Variants in CDH13 observed in about 807,000 individuals in gnomAD.
CDH13 encodes cadherin 13.
In CDH13, 24 loss-of-function variants were observed where a neutral mutation model predicts 63.8. The observed-to-expected ratio is 0.38, with a 90% confidence interval of 0.27 to 0.53. The LOEUF (loss-of-function observed/expected upper bound fraction) is 0.53, where lower values mean the gene tolerates loss of function less well. CDH13 is among the 20% of genes least tolerant of loss of function. CDH13 has a pLI of 0.85. For missense variants in CDH13, 1,049 were observed against 903.1 expected (o/e 1.16, Z -2.07); for synonymous variants, 503 against 355.3 (o/e 1.42, Z -4.67).
intron 5 of CDH13, among the ~76,000 whole-genome samples, chr16:83,333,452 C>T (rs1248942383): frequency 1.3e-5 from 2 of 152,084 alleles, no homozygotes; most frequent in African/African-American, 4.8e-5. Context: ...CAGCCTCCCC[C>T]TGCTCTTCTG....
At chr16:83,009,599 C>T (rs982668450) in intron 2 of CDH13, among the ~76,000 whole-genome samples, 3 of 152,138 alleles carry the variant, frequency 2.0e-5, no homozygotes, top group Non-Finnish European at 4.4e-5. Flanking sequence ...GAACCCAGGA[C>T]CACTCTGACT....
intron 2 of CDH13, among the ~76,000 whole-genome samples, chr16:82,888,628 G>A (rs2040974333): frequency 6.6e-6 from 1 of 152,188 alleles, no homozygotes; most frequent in African/African-American, 2.4e-5. Flanking sequence ...TGGCCTTGTA[G>A]ACCTCCCCTA....
rs2036219362 is a variant in CDH13 at position 83,134,981 on chromosome 16, C to T, written c.483+9480C>T. Among the ~76,000 whole-genome samples, 3 of 152,270 alleles carry T rather than the reference C, an allele frequency of 2.0e-5. No individual in the cohort carries two copies. The South Asian group carries it at 6.2e-4, about 32-fold the overall frequency. ...CTTTATTGTTATTATGAACATCTGGCCTCAGACTGAATTTATATTTAATTA... is the reference window on the plus strand; with the variant it reads ...CTTTATTGTTATTATGAACATCTGGTCTCAGACTGAATTTATATTTAATTA... On this transcript the variant is annotated intron_variant, in intron 4 of 13. Coordinates refer to ENST00000567109, the MANE Select transcript of CDH13 (RefSeq NM_001257.5).
At chr16:83,774,960 C>T (rs1915007497) in intron 11 of CDH13, among the ~76,000 whole-genome samples, 1 of 149,206 alleles carries the variant, frequency 6.7e-6, no homozygotes, top group African/African-American at 2.4e-5. Context: ...TATTTCACCA[C>T]AATGAAAAGA....
intron 3 of CDH13, among the ~76,000 whole-genome samples, chr16:83,118,108 C>T (rs1229040098): frequency 1.3e-5 from 2 of 152,152 alleles, no homozygotes; most frequent in Admixed American, 1.3e-4. Flanking sequence ...CAGCAGGCCT[C>T]GGATGACCTA....
intron 5 of CDH13, among the ~76,000 whole-genome samples, chr16:83,258,845 A>T (rs753550883): frequency 6.6e-6 from 1 of 152,188 alleles, no homozygotes; most frequent in Non-Finnish European, 1.5e-5. Flanking sequence ...TTATACTCTC[A>T]TTTGAATAAA....
At chr16:83,560,910 G>A (rs200241425) in intron 7 of CDH13, among the ~76,000 whole-genome samples, 2,082 of 129,716 alleles carry the variant, frequency 0.016, 26 homozygotes, top group Non-Finnish European at 0.026. Context: ...CCCCCCCCCC[G>A]CCCCAGGGGC....
chr16:82,879,356 C>T (rs1297958554), intron 2 of CDH13, among the ~76,000 whole-genome samples: 4 of 151,360 alleles, frequency 2.6e-5, no homozygotes, highest in Non-Finnish European at 5.9e-5. Flanking sequence ...TATTTCTATC[C>T]ATTAATGTCA....
intron 1 of CDH13, among the ~76,000 whole-genome samples, chr16:82,782,432 A>C (rs113044588): frequency 1.3e-5 from 2 of 152,152 alleles, no homozygotes; most frequent in African/African-American, 4.8e-5. Context: ...AGTGCCTGTA[A>C]TCCTAGCTAC....
chr16:83,313,185 C>T (rs1193092199), intron 5 of CDH13, among the ~76,000 whole-genome samples: 2 of 152,154 alleles, frequency 1.3e-5, no homozygotes, highest in African/African-American at 4.8e-5. Context: ...GAGCTGGGAA[C>T]ATTGAATAAA....
intron 11 of CDH13, among the ~76,000 whole-genome samples, chr16:83,749,563 A>G (rs868098503): frequency 2.4e-4 from 37 of 152,238 alleles, no homozygotes; most frequent in African/African-American, 8.2e-4. Context: ...TCAAAGCCAG[A>G]TGATTCATTT....
intron 5 of CDH13, among the ~76,000 whole-genome samples, chr16:83,268,211 C>G (rs1037946154): frequency 6.6e-6 from 1 of 152,162 alleles, no homozygotes; most frequent in African/African-American, 2.4e-5. Flanking sequence ...GTCTTTAGAA[C>G]AGTGGTGTAT....
chr16:82,912,957 AG>A lies in CDH13; in HGVS notation c.157+54485del, dbSNP rs2041878673. ...GACTGTGACTAAAAAAAAAAAAAAA[AG>A]AGTGGTGCTTCAAAATTGTGTCTTT... On this transcript the variant is annotated intron_variant, in intron 2 of 13. Coordinates refer to ENST00000567109, the MANE Select transcript of CDH13 (RefSeq NM_001257.5). Among the ~76,000 whole-genome samples the A allele has an allele frequency of 2.6e-5, 4 of 151,384 alleles. No individual in the cohort carries two copies. The South Asian group carries it at 8.4e-4, about 32-fold the overall frequency.
At chr16:83,183,089 T>C (rs1240338857) in intron 4 of CDH13, among the ~76,000 whole-genome samples, 1 of 152,222 alleles carries the variant, frequency 6.6e-6, no homozygotes, top group African/African-American at 2.4e-5. Context: ...TTTATTATTA[T>C]AAACAGACTT....
At chr16:83,570,681 A>AT (rs1897023856) in intron 7 of CDH13, among the ~76,000 whole-genome samples, 3 of 143,966 alleles carry the variant, frequency 2.1e-5, no homozygotes, top group South Asian at 2.1e-4. Flanking sequence ...TTATATATAT[A>AT]AAAAAAAATT....
At chr16:83,076,839 T>G (rs1351437110) in intron 3 of CDH13, among the ~76,000 whole-genome samples, 1 of 152,196 alleles carries the variant, frequency 6.6e-6, no homozygotes, top group Non-Finnish European at 1.5e-5. Flanking sequence ...TTATGCGTCA[T>G]GTTTACATTT....
At chr16:82,867,500 C>G (rs984468586) in intron 2 of CDH13, among the ~76,000 whole-genome samples, 1 of 152,172 alleles carries the variant, frequency 6.6e-6, no homozygotes, top group African/African-American at 2.4e-5. Flanking sequence ...CTCAGCTTTC[C>G]ACCCTCTCTG....
In CDH13 at chr16:83,410,683, G is replaced by A. The variant is rs189203258; in HGVS notation, c.781+65677G>A. Among the ~76,000 whole-genome samples the A allele has an allele frequency of 4.2e-3, 640 of 152,136 alleles. 9 individuals carry two copies. Among genetic ancestry groups the A allele is most frequent in the African/African-American group, 0.014 (592 of 41,492 alleles). On this transcript the variant is annotated intron_variant, in intron 6 of 13. Coordinates refer to ENST00000567109, the MANE Select transcript of CDH13 (RefSeq NM_001257.5). ...ACCCCATTTATATATGCTACTCATA[G>A]AAATTAGTTCTTTATTCTCCATTGA...
chr16:83,239,234 G>A (rs1275007305), intron 5 of CDH13, among the ~76,000 whole-genome samples: 1 of 152,124 alleles, frequency 6.6e-6, no homozygotes, highest in African/African-American at 2.4e-5. Context: ...CACTGCAGAG[G>A]GAGAGCAGCA....
Sources: gnomAD v4.1 joint callset for allele counts (sites outside exome capture counted in the v4.1 genomes callset) on GRCh38, gnomAD v4.1.1 for gene constraint, MANE v1.5 for transcripts, NCBI Gene and HGNC (gene_info 2026-07-23, HGNC 2026-07-21) for gene names.